The following IL20 variants were observed in gnomAD, a reference collection of about 807,000 sequenced individuals.
IL20 encodes the protein interleukin-20.
A neutral mutation model predicts 19.2 loss-of-function variants in IL20; 22 were observed. The ratio of observed to expected loss-of-function variants is 1.15; its 90% CI spans 0.82 to 1.64. IL20 has a LOEUF of 1.64. IL20 is among the 40% of genes most tolerant of loss of function. The probability of loss-of-function intolerance (pLI) is 0.00; values close to 1 mark genes in which losing one functional copy is unlikely to be tolerated. For synonymous variants in IL20, 70 were observed against 76.2 expected, an observed-to-expected ratio of 0.92 and a Z score of 0.43; for missense variants, 215 against 212.8, an observed-to-expected ratio of 1.01 and a Z score of -0.06.
chr1:206,865,080 C>T (rs1360194008), upstream of IL20, among the ~76,000 whole-genome samples: 1 of 152,176 alleles, frequency 6.6e-6, no homozygotes, highest in Non-Finnish European at 1.5e-5. The surrounding 1 kb of genome is among the most constrained non-coding windows in gnomAD (Gnocchi z 4.1). Context: ...TCGAATCCAC[C>T]CAGGAGTGCC....
upstream of IL20, among the ~76,000 whole-genome samples, chr1:206,865,054 A>G (rs1379363878): frequency 1.3e-5 from 2 of 152,180 alleles, no homozygotes; most frequent in East Asian, 1.9e-4. The surrounding 1 kb of genome is among the most constrained non-coding windows in gnomAD (Gnocchi z 4.1). Flanking sequence ...TTGCAGGTCC[A>G]GGAAAGCGTG....
At chr1:206,864,404 C>CAT (rs148576430), upstream of IL20, among the ~76,000 whole-genome samples, 16 of 150,538 alleles carry the variant, frequency 1.1e-4, no homozygotes, top group East Asian at 1.9e-4. Flanking sequence ...TGGATGTGTG[C>CAT]ATATATATAT....
At chr1:206,867,648 G>A (rs1328718425) in intron 5 of IL20, among the ~76,000 whole-genome samples, 190 bp downstream of exon 5, 1 of 152,112 alleles carries the variant, frequency 6.6e-6, no homozygotes, top group Non-Finnish European at 1.5e-5. Flanking sequence ...CCCTCTCTGG[G>A]TGATGCTCTG....
Position 206,868,555 on chromosome 1 carries a change from G to T in IL20, c.522G>T (p.Glu174Asp), listed in dbSNP as rs375894469. Residue 174 changes from glutamate (E) to aspartate (D), a missense_variant, in exon 6 of 6, where the codon GAG becomes GAT. Transcript: ENST00000367098. ...ACATTCTTCTGCAATGGATGGAGGAGACAGAATAGGAGGAAAGTGATGCTG... is the reference window on the plus strand; with the variant it reads ...ACATTCTTCTGCAATGGATGGAGGATACAGAATAGGAGGAAAGTGATGCTG... ...ELDILLQWME[E>D]TE 7.5e-6 allele frequency: 12 copies of T among 1,603,086 alleles called. No homozygotes were observed. The highest frequency in any genetic ancestry group is 1.0e-5 in the Non-Finnish European group (12 of 1,174,890).
At chr1:206,868,109 C>T (rs1180765098) in intron 5 of IL20, among the ~76,000 whole-genome samples, 1 of 151,928 alleles carries the variant, frequency 6.6e-6, no homozygotes, top group East Asian at 1.9e-4. Context: ...TTGGCACAAT[C>T]AATATCTGTT....
chr1:206,865,096 A>G (rs923820068), upstream of IL20, among the ~76,000 whole-genome samples: 2 of 152,174 alleles, frequency 1.3e-5, no homozygotes, highest in Admixed American at 6.5e-5. The surrounding 1 kb of genome is among the most constrained non-coding windows in gnomAD (Gnocchi z 4.1). Flanking sequence ...GTGCCTGACT[A>G]CAGTCCTCCT....
intron 4 of IL20, among the ~76,000 whole-genome samples, 175 bp downstream of exon 4, chr1:206,866,811 C>T (rs1009040578): frequency 3.3e-5 from 5 of 152,210 alleles, no homozygotes; most frequent in South Asian, 2.1e-4. Flanking sequence ...ATTGACTTTT[C>T]GGTATATGCT....
upstream of IL20, among the ~76,000 whole-genome samples, chr1:206,865,011 T>G (rs1275126459): frequency 6.6e-6 from 1 of 152,186 alleles, no homozygotes; most frequent in East Asian, 1.9e-4. This position sits in a 1 kb window ranked among gnomAD's most constrained non-coding sequence, Gnocchi z 4.1. Context: ...CTTCTCTGAC[T>G]TTTGGGACCA....
chr1:206,867,080 C>T lies in IL20; in HGVS notation c.379-304C>T, dbSNP rs6692979. Among the ~76,000 whole-genome samples, 416 of 148,782 alleles carry T rather than the reference C, an allele frequency of 2.8e-3. 1 individual carries two copies. The highest frequency in any genetic ancestry group is 5.1e-3 in the Non-Finnish European group (347 of 67,474). The stretch of plus-strand genomic sequence containing the variant: ...GCTCAAAGAGCTCTGGGATAGAGCT[C>T]CTAGACTACAGCTGGGGGTTGTGGG... On this transcript the variant is annotated intron_variant, in intron 4 of 5. Coordinates refer to ENST00000367098, the MANE Select transcript of IL20 (RefSeq NM_018724.4).
chr1:206,866,662 A>T, intron 4 of IL20, 26 bp downstream of exon 4: 4 of 1,610,040 alleles, frequency 2.5e-6, no homozygotes, highest in Non-Finnish European at 3.4e-6. Context: ...GGGTGACAGG[A>T]TGCATCTCAG....
upstream of IL20, among the ~76,000 whole-genome samples, chr1:206,864,328 G>GA (rs1181331145): frequency 4.6e-5 from 7 of 151,972 alleles, no homozygotes; most frequent in African/African-American, 1.7e-4. Context: ...TGGCATATAG[G>GA]AAAAATTCAG....
At position 206,865,868 on chromosome 1, in the gene IL20, C is replaced by T. The variant is rs778623604; in HGVS notation, c.16C>T (p.Leu6Phe). 2 of 1,614,094 alleles carry T rather than the reference C, an allele frequency of 1.2e-6. No individual in the cohort carries two copies. Among genetic ancestry groups the T allele is most frequent in the East Asian group, 2.2e-5 (1 of 44,890 alleles). The change falls in exon 2 of 6, where the codon CTT (leucine) becomes TTT (phenylalanine). Residue 6 changes from leucine to phenylalanine, a missense_variant. By Grantham distance (22) the Leu-to-Phe change is conservative (BLOSUM62 0). Coordinates refer to ENST00000367098, the MANE Select transcript of IL20 (RefSeq NM_018724.4). The surrounding 1 kb of genome is among the most constrained non-coding windows in gnomAD (Gnocchi z 4.1). ...CAGGCCTAAGATGAAAGCCTCTAGT[C>T]TTGCCTTCAGCCTTCTCTCTGCTGC... MKASS[L>F]AFSLLSAAFY...
rs748562710 is a variant in IL20, at chr1:206,867,442, T to G, written c.437T>G (p.Leu146Arg). The change falls in exon 5 of 6, where the codon CTG (leucine) becomes CGG (arginine). Residue 146 changes from leucine (L) to arginine (R), a missense_variant. Transcript: ENST00000367098. ...GCAATGAAGAAATACAGCCAGATTC[T>G]GAGTCACTTTGAAAAGGTATATGCG... ...EEAMKKYSQI[L>R]SHFEKLEPQA... 1 of 1,613,700 alleles carries G rather than the reference T, an allele frequency of 6.2e-7. No homozygotes were observed. Among genetic ancestry groups the G allele is most frequent in the Non-Finnish European group, 8.5e-7 (1 of 1,179,648 alleles).
chr1:206,864,795 A>G (rs1262623096), upstream of IL20, among the ~76,000 whole-genome samples: 2 of 152,108 alleles, frequency 1.3e-5, no homozygotes, highest in Non-Finnish European at 2.9e-5. Context: ...TTTTTAATTC[A>G]TTTTGATATT....
chr1:206,865,948 C>T lies in IL20; in HGVS notation c.96C>T (p.Ser32=). 4 of 1,614,166 alleles carry T rather than the reference C, an allele frequency of 2.5e-6. No individual in the cohort carries two copies. The highest frequency in any genetic ancestry group is 3.4e-6 in the Non-Finnish European group (4 of 1,180,026). ...GACTGAAGACACTCAATTTGGGAAG[C>T]TGTGTGATCGCCACAAACCTTCAGG... The part of the protein sequence containing the change: ...STGLKTLNLG[S]CVIATNLQEI... The change falls in exon 2 of 6, where the codon AGC becomes AGT. Residue 32 remains serine, a synonymous_variant. Transcript: ENST00000367098. This position sits in a 1 kb window ranked among gnomAD's most constrained non-coding sequence, Gnocchi z 4.1.
intron 5 of IL20, 106 bp downstream of exon 5, chr1:206,867,564 C>A: frequency 1.1e-6 from 1 of 938,806 alleles, no homozygotes. Context: ...CCTTCAGGTT[C>A]ATAGCCCTCT....
rs577513263 is a variant in IL20 at position 206,868,578 on chromosome 1, C to T, written c.*14C>T. The T allele has an allele frequency of 3.2e-6, 5 of 1,584,210 alleles. No homozygotes were observed. Among genetic ancestry groups the T allele is most frequent in the South Asian group, 1.2e-5 (1 of 86,218 alleles). ...GAGACAGAATAGGAGGAAAGTGATG[C>T]TGCTGCTAAGAATATTCGAGGTCAA... On this transcript the variant is annotated 3_prime_UTR_variant, in exon 6 of 6. Coordinates refer to ENST00000367098, the MANE Select transcript of IL20 (RefSeq NM_018724.4).
chr1:206,866,743 C>A lies in IL20; in HGVS notation c.378+107C>A, dbSNP rs913549785. 98 of 1,118,782 alleles carry A rather than the reference C, an allele frequency of 8.8e-5. 2 individuals are homozygous for A. The South Asian group carries it at 1.3e-3, about 15-fold the overall frequency. The allele number at this position is 1,118,782 out of a possible 1,614,324, so 69.3% of individuals were successfully genotyped here. On this transcript the variant is annotated intron_variant, in intron 4 of 5. Transcript: ENST00000367098. ...CATTTAATGGATGGAGAAACTGAGTCCAAAAGTTCTAATAATCTGTGTTGA... is the reference window on the plus strand; with the variant it reads ...CATTTAATGGATGGAGAAACTGAGTACAAAAGTTCTAATAATCTGTGTTGA...
Position 206,868,525 on chromosome 1 carries a change from A to G in IL20, c.492A>G (p.Glu164=). 6.2e-7 allele frequency: 1 copy of G among 1,604,680 alleles called. No homozygotes were observed. The highest frequency in any genetic ancestry group is 8.5e-7 in the Non-Finnish European group (1 of 1,175,592). Residue 164 remains glutamate, a synonymous_variant, in exon 6 of 6, where the codon GAA becomes GAG. Coordinates refer to ENST00000367098, the MANE Select transcript of IL20 (RefSeq NM_018724.4). ...CAGCAGTTGTGAAGGCTTTGGGGGA[A>G]CTAGACATTCTTCTGCAATGGATGG... ...PQAAVVKALG[E]LDILLQWMEE...
Sources: gnomAD v4.1 joint callset for allele counts (sites outside exome capture counted in the v4.1 genomes callset) on GRCh38, gnomAD v4.1.1 for gene constraint, Gnocchi (gnomAD v3.1) non-coding constraint, MANE v1.5 for transcripts, NCBI Gene and HGNC (gene_info 2026-07-23, HGNC 2026-07-21) for gene names.